The following OCA2 variants were observed in gnomAD, a reference collection of about 807,000 sequenced individuals.
OCA2 encodes the protein OCA2 melanosomal transmembrane protein.
Under a neutral mutation model 100.2 loss-of-function variants are expected in OCA2, and 77 were observed. That is an observed-to-expected ratio of 0.77 (90% CI 0.64 to 0.93). OCA2 has a LOEUF of 0.93. Among genes scored for constraint, OCA2 ranks in the 40% least tolerant of loss-of-function variants. The probability of loss-of-function intolerance (pLI) is 0.00; values close to 1 mark genes in which losing one functional copy is unlikely to be tolerated. For synonymous variants in OCA2, 432 were observed against 439.2 expected (o/e 0.98, Z 0.21); for missense variants, 1,062 against 1,089.1 (o/e 0.98, Z 0.35).
chr15:27,903,534 A>G (rs1476879749), intron 19 of OCA2, among the ~76,000 whole-genome samples: 1 of 152,088 alleles, frequency 6.6e-6, no homozygotes, highest in East Asian at 1.9e-4. Flanking sequence ...GTTGCCCCGG[A>G]GGCACTTTCT....
At chr15:27,800,603 C>T (rs191205951) in intron 23 of OCA2, among the ~76,000 whole-genome samples, 30 of 152,114 alleles carry the variant, frequency 2.0e-4, no homozygotes, top group Middle Eastern at 3.4e-3. Flanking sequence ...TGAACAAATT[C>T]CTTGAAGATA....
chr15:28,053,119 T>C (rs1160038409), intron 2 of OCA2, among the ~76,000 whole-genome samples: 1 of 152,182 alleles, frequency 6.6e-6, no homozygotes, highest in Non-Finnish European at 1.5e-5. Flanking sequence ...ATAGCCTCAG[T>C]TGCGTGTGTA....
chr15:27,829,316 G>GATAGAT (rs1357932722), intron 23 of OCA2, among the ~76,000 whole-genome samples: 1 of 149,676 alleles, frequency 6.7e-6, no homozygotes, highest in Non-Finnish European at 1.5e-5. Context: ...TAGATAGATA[G>GATAGAT]AGTGATCAGA....
At chr15:27,986,014 C>A (rs988940892) in intron 12 of OCA2, among the ~76,000 whole-genome samples, 1 of 152,076 alleles carries the variant, frequency 6.6e-6, no homozygotes, top group Admixed American at 6.6e-5. Context: ...TTAAAAAGAC[C>A]TTTTCAGTTT....
At chr15:27,954,156 CA>C (rs1567150602) in intron 17 of OCA2, among the ~76,000 whole-genome samples, 2,745 of 50,320 alleles carry the variant, frequency 0.055, 55 homozygotes, top group Admixed American at 0.12. Context: ...CACACACACA[CA>C]CACCTAGGGT....
chr15:27,866,467 G>A (rs1426319705), intron 21 of OCA2, among the ~76,000 whole-genome samples: 3 of 152,226 alleles, frequency 2.0e-5, no homozygotes, highest in Admixed American at 2.0e-4. Context: ...GGCCAGGGAG[G>A]AGGCAGACAC....
At chr15:27,725,040 T>G in the OCA2 span, among the ~76,000 whole-genome samples, 1 of 152,094 alleles carries the variant, frequency 6.6e-6, no homozygotes, top group Non-Finnish European at 1.5e-5. Context: ...GAAGCAGAGT[T>G]GAAGTGCAAG....
intron 19 of OCA2, among the ~76,000 whole-genome samples, chr15:27,922,887 G>A (rs561559592): frequency 6.6e-6 from 1 of 152,128 alleles, no homozygotes; most frequent in African/African-American, 2.4e-5. Context: ...ACAGGAGTTT[G>A]TTGTACAGAT....
At chr15:27,903,387 G>A (rs554367919) in intron 19 of OCA2, among the ~76,000 whole-genome samples, 1 of 152,338 alleles carries the variant, frequency 6.6e-6, no homozygotes, top group African/African-American at 2.4e-5. Flanking sequence ...CCTGTGCAGG[G>A]GACCCTGCCT....
At chr15:28,073,242 C>T (rs1463910456) in intron 2 of OCA2, among the ~76,000 whole-genome samples, 1 of 152,074 alleles carries the variant, frequency 6.6e-6, no homozygotes, top group Non-Finnish European at 1.5e-5. Context: ...GGTGAAACCC[C>T]GTCTCTATTA....
At chr15:27,859,682 T>C (rs1036961340) in intron 21 of OCA2, among the ~76,000 whole-genome samples, 1 of 152,144 alleles carries the variant, frequency 6.6e-6, no homozygotes, top group Non-Finnish European at 1.5e-5. Flanking sequence ...GAGGCCAGCA[T>C]TACCCTGATA....
intron 21 of OCA2, among the ~76,000 whole-genome samples, chr15:27,853,801 A>G (rs547792379): frequency 1.3e-5 from 2 of 152,222 alleles, no homozygotes; most frequent in Middle Eastern, 3.4e-3. Flanking sequence ...CAACCACTCT[A>G]AAGAGCAGCA....
chr15:27,977,519 G>A (rs566417861), intron 14 of OCA2, among the ~76,000 whole-genome samples: 64 of 152,210 alleles, frequency 4.2e-4, no homozygotes, highest in East Asian at 7.7e-4. Flanking sequence ...CAGCCCACAC[G>A]TCTATAAAAT....
intron 23 of OCA2, among the ~76,000 whole-genome samples, chr15:27,820,380 C>T (rs902440489): frequency 6.6e-6 from 1 of 152,194 alleles, no homozygotes. Context: ...TGACAGCACG[C>T]ACTCTCCACA....
chr15:27,969,148 C>T (rs1407125765), intron 14 of OCA2, among the ~76,000 whole-genome samples: 1 of 151,724 alleles, frequency 6.6e-6, no homozygotes, highest in Non-Finnish European at 1.5e-5. Context: ...ATTCTTGGTC[C>T]CTCTAGAACA....
intron 19 of OCA2, among the ~76,000 whole-genome samples, chr15:27,873,990 C>T (rs1459676230): frequency 1.3e-5 from 2 of 152,168 alleles, no homozygotes; most frequent in Admixed American, 1.3e-4. Flanking sequence ...TGGTATAAAT[C>T]AGGATGTGAA....
At chr15:28,006,313 C>G (rs2042090347) in intron 9 of OCA2, among the ~76,000 whole-genome samples, 1 of 152,360 alleles carries the variant, frequency 6.6e-6, no homozygotes, top group South Asian at 2.1e-4. Context: ...TGCTCCAGAG[C>G]TCACTGCATG....
Position 27,999,652 on chromosome 15 carries a change from T to C in OCA2, c.1045-9005A>G, listed in dbSNP as rs1358682497. On this transcript the variant is annotated intron_variant, in intron 9 of 23. Transcript: ENST00000354638. ...AACAACAACAACAAAATTAAAAATG[T>C]CCAAATTGGAAAGGATGAAGTTAAA... is the stretch of plus-strand genomic sequence containing the variant. Among the ~76,000 whole-genome samples the C allele has an allele frequency of 2.0e-5, 3 of 152,250 alleles. No homozygotes were observed. In the East Asian group the frequency reaches 5.8e-4, roughly 29 times the overall value.
At chr15:28,040,852 C>T (rs1258689524) in intron 2 of OCA2, among the ~76,000 whole-genome samples, 1 of 151,996 alleles carries the variant, frequency 6.6e-6, no homozygotes, top group African/African-American at 2.4e-5. Flanking sequence ...CAAAAACTTC[C>T]CAACAAAGAA....
Sources: allele counts gnomAD v4.1 joint callset (sites outside exome capture counted in the v4.1 genomes callset), GRCh38; gene constraint gnomAD v4.1.1; transcripts MANE v1.5; gene names NCBI Gene and HGNC (gene_info 2026-07-23, HGNC 2026-07-21).